CNTN4: variants seen among roughly 807,000 people sequenced by gnomAD.
The protein encoded by CNTN4 is contactin-4.
In CNTN4, 77 loss-of-function variants were observed where a neutral mutation model predicts 122.5. The observed-to-expected ratio is 0.63, with a 90% CI of 0.52 to 0.76. The LOEUF is 0.76. CNTN4 is among the 30% of genes least tolerant of loss of function. CNTN4 has a pLI of 0.00. For missense variants in CNTN4, 1,256 were observed against 1,259.1 expected (o/e 1.00, Z 0.04); for synonymous variants, 512 against 447.0 (o/e 1.15, Z -1.83).
At chr3:2,191,154 G>A (rs916991897) in intron 2 of CNTN4, among the ~76,000 whole-genome samples, 9 of 151,846 alleles carry the variant, frequency 5.9e-5, no homozygotes, top group Non-Finnish European at 1.0e-4. Flanking sequence ...GGCTGGCCTC[G>A]AACTCCTGGG....
chr3:2,160,984 T>C (rs1459575258), intron 2 of CNTN4, among the ~76,000 whole-genome samples: 1 of 152,130 alleles, frequency 6.6e-6, no homozygotes, highest in Non-Finnish European at 1.5e-5. Flanking sequence ...AATCATACTG[T>C]TGTTTACTTA....
chr3:2,186,864 C>T (rs2037294427), intron 2 of CNTN4, among the ~76,000 whole-genome samples: 1 of 152,186 alleles, frequency 6.6e-6, no homozygotes, highest in East Asian at 1.9e-4. Context: ...ATTTTTCTCC[C>T]ATTCTGTAGG....
At chr3:2,601,649 C>T (rs2600302) in intron 4 of CNTN4, among the ~76,000 whole-genome samples, 10 of 152,068 alleles carry the variant, frequency 6.6e-5, no homozygotes, top group East Asian at 1.9e-4. Flanking sequence ...TGATGCCTCC[C>T]GCTTTGTTCT....
Position 2,162,098 on chromosome 3 carries a change from T to A in CNTN4, c.-145+61459T>A, listed in dbSNP as rs150495002. Among the ~76,000 whole-genome samples, 598 of 152,342 alleles carry A rather than the reference T, an allele frequency of 3.9e-3. 6 individuals are homozygous for A. Among genetic ancestry groups the A allele is most frequent in the African/African-American group, 0.014 (574 of 41,584 alleles). On this transcript the variant is annotated intron_variant, in intron 2 of 24. Coordinates refer to ENST00000418658, the MANE Select transcript of CNTN4 (RefSeq NM_175607.3). ...ATGAGAATACAGATTTCAAACTAAA[T>A]GTAGTGTAGGTGTGAATGATAATAA... is the stretch of plus-strand genomic sequence containing the variant.
At chr3:2,210,865 T>C (rs1396676618) in intron 2 of CNTN4, among the ~76,000 whole-genome samples, 1 of 152,154 alleles carries the variant, frequency 6.6e-6, no homozygotes, top group Non-Finnish European at 1.5e-5. Context: ...AATAAAATCA[T>C]AGAAGAAAAA....
intron 2 of CNTN4, among the ~76,000 whole-genome samples, chr3:2,194,825 G>T (rs968187685): frequency 6.6e-6 from 1 of 152,110 alleles, no homozygotes; most frequent in Non-Finnish European, 1.5e-5. Flanking sequence ...AGAAGTTTTC[G>T]TGACAAATTT....
chr3:2,680,726 A>G (rs894056393), intron 4 of CNTN4, among the ~76,000 whole-genome samples: 5 of 152,186 alleles, frequency 3.3e-5, no homozygotes, highest in Non-Finnish European at 5.9e-5. Flanking sequence ...TGACATGGAT[A>G]GGTGCTTGGA....
At chr3:2,496,469 A>G (rs1016528248) in intron 3 of CNTN4, among the ~76,000 whole-genome samples, 1 of 152,164 alleles carries the variant, frequency 6.6e-6, no homozygotes, top group African/African-American at 2.4e-5. Flanking sequence ...GATGAAGTGA[A>G]AAATATGACA....
chr3:2,994,894 C>CT (rs1260750572), intron 14 of CNTN4, among the ~76,000 whole-genome samples: 3 of 152,116 alleles, frequency 2.0e-5, no homozygotes, highest in Non-Finnish European at 2.9e-5. Flanking sequence ...CGGTTGGCTG[C>CT]TAACACACAA....
intron 3 of CNTN4, among the ~76,000 whole-genome samples, chr3:2,355,279 A>G (rs1307481170): frequency 6.6e-6 from 1 of 152,248 alleles, no homozygotes; most frequent in East Asian, 1.9e-4. Context: ...TAGCGAGTCA[A>G]TCAATGAGCT....
intron 2 of CNTN4, among the ~76,000 whole-genome samples, chr3:2,158,055 G>A (rs1273304828): frequency 2.0e-5 from 3 of 151,908 alleles, no homozygotes; most frequent in Non-Finnish European, 4.4e-5. Context: ...TTTAATAGAA[G>A]CTTCCAGGAT....
At chr3:2,768,874 T>C (rs574208018) in intron 6 of CNTN4, among the ~76,000 whole-genome samples, 168 of 152,280 alleles carry the variant, frequency 1.1e-3, no homozygotes, top group Non-Finnish European at 1.9e-3. Flanking sequence ...ACATGTAGAA[T>C]GTGAAGCTCA....
intron 2 of CNTN4, among the ~76,000 whole-genome samples, chr3:2,143,766 T>G (rs921271625): frequency 1.3e-5 from 2 of 152,196 alleles, no homozygotes; most frequent in African/African-American, 4.8e-5. Flanking sequence ...TTGTTACAAG[T>G]GCAGAATCAG....
chr3:2,371,537 T>A (rs6795825), intron 3 of CNTN4, among the ~76,000 whole-genome samples: 49,379 of 152,032 alleles, frequency 0.32, 8,465 homozygotes, highest in Middle Eastern at 0.4. Context: ...TTCAAAGATG[T>A]AACTCAAATG....
intron 2 of CNTN4, among the ~76,000 whole-genome samples, chr3:2,106,197 A>G (rs894977246): frequency 1.3e-5 from 2 of 152,096 alleles, no homozygotes; most frequent in Admixed American, 1.3e-4. Context: ...CTTTCATGGC[A>G]CACAGTGCAA....
chr3:2,337,439 A>G (rs562246328), intron 2 of CNTN4, among the ~76,000 whole-genome samples: 2 of 152,264 alleles, frequency 1.3e-5, no homozygotes, highest in African/African-American at 4.8e-5. Context: ...GGATACTATA[A>G]CTAGTGGCTA....
intron 3 of CNTN4, among the ~76,000 whole-genome samples, chr3:2,499,940 C>G (rs571986780): frequency 1.3e-5 from 2 of 151,954 alleles, no homozygotes; most frequent in African/African-American, 4.8e-5. Context: ...ATATGCAGAT[C>G]CCATGCAAGT....
intron 23 of CNTN4, among the ~76,000 whole-genome samples, chr3:3,050,214 A>G (rs1220974878): frequency 2.0e-5 from 3 of 152,152 alleles, no homozygotes; most frequent in East Asian, 1.9e-4. Context: ...GTGTGGCCAT[A>G]TCTTCCAGTT....
At chr3:2,480,227 T>C (rs1204171981) in intron 3 of CNTN4, among the ~76,000 whole-genome samples, 1 of 152,138 alleles carries the variant, frequency 6.6e-6, no homozygotes, top group Non-Finnish European at 1.5e-5. Context: ...GGATAACTTC[T>C]ACCACTGCTT....
Sources: allele counts gnomAD v4.1 joint callset (sites outside exome capture counted in the v4.1 genomes callset), GRCh38; gene constraint gnomAD v4.1.1; transcripts MANE v1.5; gene names NCBI Gene and HGNC (gene_info 2026-07-23, HGNC 2026-07-21).